Variants in APBA2 observed in about 807,000 individuals in gnomAD.
APBA2 encodes the protein amyloid-beta A4 precursor protein-binding family A member 2.
APBA2 carries 30 observed loss-of-function variants against 75.0 expected under a neutral mutation model. The observed-to-expected ratio is 0.40, with a 90% CI of 0.30 to 0.54. The LOEUF is 0.54. Ranked by LOEUF, APBA2 falls within the 20% of genes least tolerant of loss-of-function variation. The pLI, the probability that APBA2 is intolerant of heterozygous loss-of-function variation, is 0.49. For missense variants in APBA2, 801 were observed against 1,016.1 expected (o/e 0.79, Z 2.88); for synonymous variants, 444 against 409.6 (o/e 1.08, Z -1.01).
Position 29,054,861 on chromosome 15 carries a change from G to T in APBA2, c.951+26G>T. On this transcript the variant is annotated intron_variant, in intron 4 of 14. Coordinates refer to ENST00000683413, the MANE Select transcript of APBA2 (RefSeq NM_001353788.2). This position sits in a 1 kb window ranked among gnomAD's most constrained non-coding sequence, Gnocchi z 6.1. ...GTAGGACCCTGGCTGTCCTGGGGAA[G>T]GGAGCAGAGGGGCCCGAGAGCAAGG... 1 of 1,583,856 alleles carries T rather than the reference G, an allele frequency of 6.3e-7. No individual in the cohort carries two copies. The highest frequency in any genetic ancestry group is 1.3e-5 in the African/African-American group (1 of 74,668).
intron 6 of APBA2, among the ~76,000 whole-genome samples, chr15:29,081,001 G>A (rs1479426676): frequency 6.6e-6 from 1 of 152,162 alleles, no homozygotes; most frequent in African/African-American, 2.4e-5. Flanking sequence ...CCTGTCTATA[G>A]CTCATCAACT....
chr15:29,038,760 A>C (rs1185972993), intron 3 of APBA2, among the ~76,000 whole-genome samples: 1 of 132,758 alleles, frequency 7.5e-6, no homozygotes. Context: ...TGCAACCTCC[A>C]CCTCCTGGGT....
In APBA2 at chr15:29,054,929, G is replaced by T. The variant is rs983451639; in HGVS notation, c.951+94G>T. ...CTTGCAGATGCTGAAGCGAGGCGGT[G>T]GGGGGTGCTGGGTGCCTCACAGTTC... On this transcript the variant is annotated intron_variant, in intron 4 of 14. Transcript: ENST00000683413. This position sits in a 1 kb window ranked among gnomAD's most constrained non-coding sequence, Gnocchi z 6.1. 3.3e-6 allele frequency: 4 copies of T among 1,223,896 alleles called. No homozygotes were observed. Among genetic ancestry groups the T allele is most frequent in the Non-Finnish European group, 4.6e-6 (4 of 864,976 alleles). The allele number at this position is 1,223,896 out of a possible 1,614,324, so 75.8% of individuals were successfully genotyped here.
At chr15:29,074,637 A>T (rs1301917743) in intron 4 of APBA2, among the ~76,000 whole-genome samples, 1 of 152,216 alleles carries the variant, frequency 6.6e-6, no homozygotes, top group East Asian at 1.9e-4. Context: ...TGAACTGTAC[A>T]CTTAAAAATG....
intron 8 of APBA2, among the ~76,000 whole-genome samples, chr15:29,097,313 C>T (rs983571439): frequency 1.3e-5 from 2 of 152,250 alleles, no homozygotes; most frequent in African/African-American, 4.8e-5. Context: ...GCAGGAGGGG[C>T]TGTGGCGACA....
intron 3 of APBA2, among the ~76,000 whole-genome samples, chr15:29,007,910 A>G (rs1380436472): frequency 5.3e-5 from 8 of 152,210 alleles, no homozygotes; most frequent in Non-Finnish European, 1.2e-4. Flanking sequence ...GCAGGGGCTC[A>G]AGGAAATATC....
chr15:29,044,003 G>A (rs2041181472), intron 3 of APBA2, among the ~76,000 whole-genome samples: 1 of 152,172 alleles, frequency 6.6e-6, no homozygotes, highest in Non-Finnish European at 1.5e-5. Flanking sequence ...TATAGTGAAA[G>A]CAACTAAATT....
chr15:28,983,476 A>G (rs1406803144), intron 2 of APBA2, among the ~76,000 whole-genome samples: 4 of 152,194 alleles, frequency 2.6e-5, no homozygotes, highest in African/African-American at 9.7e-5. Context: ...ATTTGCCAAT[A>G]CATTATTTTC....
intron 3 of APBA2, among the ~76,000 whole-genome samples, chr15:29,010,990 C>T (rs564252003): frequency 1.3e-5 from 2 of 152,250 alleles, no homozygotes; most frequent in Non-Finnish European, 2.9e-5. Flanking sequence ...AACATCTATA[C>T]CCATTAAACA....
chr15:29,011,847 A>G (rs2039419385), intron 3 of APBA2, among the ~76,000 whole-genome samples: 1 of 152,236 alleles, frequency 6.6e-6, no homozygotes, highest in African/African-American at 2.4e-5. Context: ...AACTAGATAC[A>G]TATAAATTTA....
intron 3 of APBA2, among the ~76,000 whole-genome samples, chr15:29,009,921 G>A (rs2039314324): frequency 6.6e-6 from 1 of 152,168 alleles, no homozygotes; most frequent in South Asian, 2.1e-4. Context: ...GTACATCCAG[G>A]ATTGGAATGG....
chr15:28,953,846 C>G (rs2036021968), intron 2 of APBA2, among the ~76,000 whole-genome samples: 1 of 152,200 alleles, frequency 6.6e-6, no homozygotes, highest in Non-Finnish European at 1.5e-5. Flanking sequence ...TCGGTCCACA[C>G]TCCCACCATG....
intron 4 of APBA2, among the ~76,000 whole-genome samples, chr15:29,061,103 A>G (rs1036626864): frequency 6.6e-6 from 1 of 152,144 alleles, no homozygotes; most frequent in Non-Finnish European, 1.5e-5. Context: ...TCCAGCACCA[A>G]AGATCCTAGT....
At chr15:29,031,403 G>T (rs2040480866) in intron 3 of APBA2, among the ~76,000 whole-genome samples, 1 of 152,140 alleles carries the variant, frequency 6.6e-6, no homozygotes, top group African/African-American at 2.4e-5. Context: ...CCTTGGCCTT[G>T]ATGCCCCTGC....
chr15:28,952,625 T>C (rs2035951167), intron 2 of APBA2, among the ~76,000 whole-genome samples: 1 of 152,234 alleles, frequency 6.6e-6, no homozygotes, highest in South Asian at 2.1e-4. Context: ...CAGCCACCCC[T>C]GTGAAACCCA....
chr15:29,113,183 C>T (rs1305355414), intron 13 of APBA2, among the ~76,000 whole-genome samples: 2 of 152,070 alleles, frequency 1.3e-5, no homozygotes, highest in Non-Finnish European at 2.9e-5. Context: ...TGTCCAGTCT[C>T]GTGGTCACAG....
chr15:28,909,163 T>C (rs1253086232), intron 1 of APBA2, among the ~76,000 whole-genome samples: 1 of 151,914 alleles, frequency 6.6e-6, no homozygotes, highest in Non-Finnish European at 1.5e-5. Flanking sequence ...ATTTTTTTTT[T>C]GTATTTTTAG....
At chr15:29,057,077 C>G (rs1393484883) in intron 4 of APBA2, among the ~76,000 whole-genome samples, 2 of 152,152 alleles carry the variant, frequency 1.3e-5, no homozygotes, top group African/African-American at 4.8e-5. Context: ...GTGTCCCATG[C>G]TCACCTCTCT....
chr15:29,039,104 T>G (rs1182443382), intron 3 of APBA2, among the ~76,000 whole-genome samples: 2 of 59,296 alleles, frequency 3.4e-5, no homozygotes, highest in African/African-American at 1.8e-4. Flanking sequence ...TCAGGGTGTG[T>G]GTGTGTGTGT....
Sources: gnomAD v4.1 joint callset for allele counts (sites outside exome capture counted in the v4.1 genomes callset) on GRCh38, gnomAD v4.1.1 for gene constraint, Gnocchi (gnomAD v3.1) non-coding constraint, MANE v1.5 for transcripts, NCBI Gene and HGNC (gene_info 2026-07-23, HGNC 2026-07-21) for gene names.